Variants in C4orf51 observed in about 807,000 individuals in gnomAD.
C4orf51 encodes chromosome 4 open reading frame 51.
C4orf51 carries 25 observed loss-of-function variants against 25.2 expected under a neutral mutation model. The observed-to-expected ratio is 0.99, with a 90% CI of 0.72 to 1.39. The LOEUF (loss-of-function observed/expected upper bound fraction) is 1.39, where lower values mean the gene tolerates loss of function less well. Ranked by LOEUF, C4orf51 falls within the 40% of genes most tolerant of loss-of-function variation. The pLI is 0.00. For missense variants in C4orf51, 252 were observed against 239.6 expected (o/e 1.05, Z -0.34); for synonymous variants, 100 against 84.5 (o/e 1.18, Z -1.01).
chr4:145,689,580 T>G (rs2126666817), intron 1 of C4orf51, among the ~76,000 whole-genome samples: 1 of 152,140 alleles, frequency 6.6e-6, no homozygotes, highest in Admixed American at 6.5e-5. Flanking sequence ...ACGTTAGGAA[T>G]CATAAAATGC....
chr4:145,772,577 G>A (rs1435696235), downstream of C4orf51, among the ~76,000 whole-genome samples: 4 of 152,074 alleles, frequency 2.6e-5, no homozygotes, highest in African/African-American at 4.8e-5. Context: ...TATTGTCTAC[G>A]ACTACTTTCA....
chr4:145,720,945 G>C (rs1731704047), intron 2 of C4orf51, among the ~76,000 whole-genome samples: 1 of 152,316 alleles, frequency 6.6e-6, no homozygotes, highest in South Asian at 2.1e-4. Context: ...TCACCACGGC[G>C]TGAGCTGTCA....
At position 145,680,157 on chromosome 4, in the gene C4orf51, A is replaced by T; in HGVS notation, c.-47A>T. The T allele has an allele frequency of 7.3e-7, 1 of 1,368,188 alleles. No homozygotes were observed. The highest frequency in any genetic ancestry group is 1.0e-6 in the Non-Finnish European group (1 of 956,990). The allele number at this position is 1,368,188 out of a possible 1,614,324, so 84.8% of individuals were successfully genotyped here. ...ACTAGAAGGAAATTAATTCTTCATT[A>T]TGCAGAGGACTTGACAAGTTGTTTT... On this transcript the variant is annotated 5_prime_UTR_variant, in exon 1 of 6. It removes an upstream start codon present in the reference 5' UTR. Transcript: ENST00000438731.
chr4:145,776,124 C>T, the C4orf51 span, among the ~76,000 whole-genome samples: 2 of 152,132 alleles, frequency 1.3e-5, no homozygotes, highest in African/African-American at 4.8e-5. Flanking sequence ...AAAGTCTTTA[C>T]CCAGCAGGTC....
intron 1 of C4orf51, among the ~76,000 whole-genome samples, chr4:145,770,286 G>A (rs1183288136): frequency 6.6e-6 from 1 of 151,160 alleles, no homozygotes; most frequent in Admixed American, 6.6e-5. Context: ...GCAACAGAGT[G>A]AGACCCTGTC....
At chr4:145,749,063 G>GTATATATATATATATAAATATATATA (rs142948635) in intron 1 of C4orf51, among the ~76,000 whole-genome samples, 1 of 140,002 alleles carries the variant, frequency 7.1e-6, no homozygotes, top group Non-Finnish European at 1.6e-5. Context: ...GTGTGTGTGT[G>GTATATATATATATATAAATATATATA]TGTATATATA....
the C4orf51 span, among the ~76,000 whole-genome samples, chr4:145,778,573 C>G: frequency 6.6e-6 from 1 of 152,136 alleles, no homozygotes; most frequent in African/African-American, 2.4e-5. Context: ...GATGCAGCCA[C>G]TGCACTCCAG....
At chr4:145,720,416 A>AC (rs765560094) in intron 2 of C4orf51, among the ~76,000 whole-genome samples, 1 of 151,270 alleles carries the variant, frequency 6.6e-6, no homozygotes, top group Admixed American at 6.6e-5. Flanking sequence ...AGGAGTGAAA[A>AC]CCCCCCACCT....
At chr4:145,743,558 G>T (rs775248995) in intron 1 of C4orf51, among the ~76,000 whole-genome samples, 1 of 152,186 alleles carries the variant, frequency 6.6e-6, no homozygotes, top group Non-Finnish European at 1.5e-5. Context: ...AGCTACATTA[G>T]GGATTAAGTT....
chr4:145,741,976 C>G (rs1733126994), intron 1 of C4orf51, among the ~76,000 whole-genome samples: 1 of 152,204 alleles, frequency 6.6e-6, no homozygotes. Context: ...GCTGAGATTA[C>G]AGACATGAGC....
chr4:145,737,506 T>A (rs1281602150), downstream of C4orf51, among the ~76,000 whole-genome samples: 1 of 152,250 alleles, frequency 6.6e-6, no homozygotes, highest in Admixed American at 6.5e-5. Flanking sequence ...TTTGGATTCA[T>A]TTTTCTTCCT....
At chr4:145,792,110 G>C in the C4orf51 span, among the ~76,000 whole-genome samples, 1 of 152,188 alleles carries the variant, frequency 6.6e-6, no homozygotes, top group African/African-American at 2.4e-5. Flanking sequence ...CCTCGTTTTG[G>C]ACCTGGTGCT....
At chr4:145,735,706 T>C (rs1315644083), downstream of C4orf51, among the ~76,000 whole-genome samples, 1 of 152,214 alleles carries the variant, frequency 6.6e-6, no homozygotes, top group South Asian at 2.1e-4. Context: ...TTCCTTATCT[T>C]CTTTCTCTTT....
chr4:145,753,940 C>T (rs1008432904), intron 1 of C4orf51, among the ~76,000 whole-genome samples: 10 of 152,248 alleles, frequency 6.6e-5, no homozygotes, highest in African/African-American at 2.4e-4. Flanking sequence ...AAGGCTTTGC[C>T]TGCCTCTTAA....
rs1211867721 is a variant in C4orf51 at position 145,765,327 on chromosome 4, A to G, written n.167-5661A>G. On this transcript the variant is annotated intron_variant and non_coding_transcript_variant, in intron 1 of 1. Coordinates refer to the C4orf51 transcript ENST00000510096. The surrounding 1 kb of genome is among the most constrained non-coding windows in gnomAD (Gnocchi z 4.7). ...ATATCTCTGTGCTAAAAGGAGTTAA[A>G]TGTACAAACATCGGAATCAATGTCA... Among the ~76,000 whole-genome samples the G allele has an allele frequency of 6.6e-6, 1 of 152,162 alleles. No individual in the cohort carries two copies. The highest frequency in any genetic ancestry group is 2.4e-5 in the African/African-American group (1 of 41,422).
chr4:145,774,683 G>C, downstream of C4orf51: 2 of 1,610,480 alleles, frequency 1.2e-6, no homozygotes, highest in Non-Finnish European at 1.7e-6. Flanking sequence ...CTACATGAAA[G>C]GGTAAAAGAA....
chr4:145,787,334 G>A, the C4orf51 span, among the ~76,000 whole-genome samples: 12 of 151,836 alleles, frequency 7.9e-5, no homozygotes, highest in East Asian at 1.9e-4. Context: ...GTGGTGGCGC[G>A]CGCCTGTAGT....
chr4:145,786,955 C>T, the C4orf51 span, among the ~76,000 whole-genome samples: 1 of 152,182 alleles, frequency 6.6e-6, no homozygotes, highest in Admixed American at 6.5e-5. Flanking sequence ...GCACTGGTGA[C>T]CTGTCCCATC....
At chr4:145,742,500 A>C (rs1029199886) in intron 1 of C4orf51, among the ~76,000 whole-genome samples, 1 of 146,610 alleles carries the variant, frequency 6.8e-6, no homozygotes, top group Non-Finnish European at 1.5e-5. Flanking sequence ...ATACATTTTC[A>C]GTTTTCTACA....
Sources: allele counts gnomAD v4.1 joint callset (sites outside exome capture counted in the v4.1 genomes callset), GRCh38; gene constraint gnomAD v4.1.1; non-coding constraint Gnocchi (gnomAD v3.1); transcripts MANE v1.5; gene names NCBI Gene and HGNC (gene_info 2026-07-23, HGNC 2026-07-21).